PTPRD: variants seen among roughly 807,000 people sequenced by gnomAD.
The protein encoded by PTPRD is receptor-type tyrosine-protein phosphatase delta.
A neutral mutation model predicts 214.5 loss-of-function variants in PTPRD; 34 were observed. That is an observed-to-expected ratio of 0.16 (90% CI 0.12 to 0.21). The LOEUF is 0.21. Among genes scored for constraint, PTPRD ranks in the 10% least tolerant of loss-of-function variants. The pLI is 1.00. For missense variants in PTPRD, 2,545 were observed against 2,398.7 expected (o/e 1.06, Z -1.27); for synonymous variants, 1,128 against 845.7 (o/e 1.33, Z -5.79).
intron 9 of PTPRD, among the ~76,000 whole-genome samples, chr9:9,378,011 T>A (rs1167176972): frequency 6.6e-6 from 1 of 151,958 alleles, no homozygotes; most frequent in African/African-American, 2.4e-5. Context: ...ATGCACAACC[T>A]CTCCCATCAT....
Position 9,302,611 on chromosome 9 carries a change from T to C in PTPRD, c.-203+94838A>G, listed in dbSNP as rs1595461021. Among the ~76,000 whole-genome samples the C allele has an allele frequency of 1.3e-4, 20 of 149,088 alleles. 1 individual carries two copies. The South Asian group carries it at 4.2e-3, about 31-fold the overall frequency. ...TGTAGTTTTTTTTTTCTTTTTTTTT[T>C]TTTTTTGTCTTTCCTGGTGTTCTGT... On this transcript the variant is annotated intron_variant, in intron 9 of 45. Transcript: ENST00000381196.
intron 21 of PTPRD, among the ~76,000 whole-genome samples, chr9:8,512,884 C>G (rs997329867): frequency 1.3e-5 from 2 of 152,086 alleles, no homozygotes; most frequent in African/African-American, 4.8e-5. Context: ...TGAGATTTAA[C>G]TTACTACTTC....
At chr9:9,744,022 C>T (rs1281564932) in intron 6 of PTPRD, among the ~76,000 whole-genome samples, 3 of 152,018 alleles carry the variant, frequency 2.0e-5, no homozygotes, top group African/African-American at 7.2e-5. Flanking sequence ...TTGATGACGT[C>T]ATTCTATTTG....
chr9:8,701,774 G>A (rs1298412357), intron 12 of PTPRD, among the ~76,000 whole-genome samples: 3 of 152,128 alleles, frequency 2.0e-5, no homozygotes, highest in Non-Finnish European at 4.4e-5. Flanking sequence ...TGAATACTCT[G>A]ATGTGTTTAC....
intron 3 of PTPRD, among the ~76,000 whole-genome samples, chr9:10,285,692 G>A (rs1287302776): frequency 6.9e-6 from 1 of 144,240 alleles, no homozygotes; most frequent in Non-Finnish European, 1.5e-5. Context: ...CTCACTGCAA[G>A]CTCCGCCTCC....
intron 34 of PTPRD, among the ~76,000 whole-genome samples, chr9:8,440,315 T>C (rs889832553): frequency 6.6e-5 from 8 of 121,316 alleles, no homozygotes; most frequent in Non-Finnish European, 8.6e-5. Flanking sequence ...AATAGAAATG[T>C]ATTATTTTTT....
At chr9:10,231,989 A>AGAGAGAGAGTGTGTGTGTGTGTGTGT (rs1245284728) in intron 3 of PTPRD, among the ~76,000 whole-genome samples, 1 of 92,436 alleles carries the variant, frequency 1.1e-5, no homozygotes, top group African/African-American at 5.3e-5. Flanking sequence ...AGAGAGAGAG[A>AGAGAGAGAGTGTGTGTGTGTGTGTGT]GTGTGTGTGT....
chr9:9,868,940 A>G (rs548548745), intron 5 of PTPRD, among the ~76,000 whole-genome samples: 2 of 152,238 alleles, frequency 1.3e-5, no homozygotes, highest in African/African-American at 4.8e-5. Flanking sequence ...GACAAGGAAA[A>G]AAAAGAATAT....
rs183831705 is a variant in PTPRD, at chr9:9,822,343, G to A, written c.-367-55492C>T. On this transcript the variant is annotated intron_variant, in intron 5 of 45. Coordinates refer to ENST00000381196, the MANE Select transcript of PTPRD (RefSeq NM_002839.4). ...GGAGAATCACTTGAACCTGGGAGGC[G>A]TAAGTTGCAGTGAGCCAAGATCACA... is the stretch of plus-strand genomic sequence containing the variant. Among the ~76,000 whole-genome samples, 473 of 151,082 alleles carry A rather than the reference G, an allele frequency of 3.1e-3. 4 individuals are homozygous for A. Among genetic ancestry groups the A allele is most frequent in the African/African-American group, 0.011 (437 of 41,254 alleles).
chr9:9,344,679 C>T (rs1287422841), intron 9 of PTPRD, among the ~76,000 whole-genome samples: 1 of 151,886 alleles, frequency 6.6e-6, no homozygotes, highest in Non-Finnish European at 1.5e-5. Context: ...TTACTTTTAA[C>T]TTTTAAAAAC....
intron 4 of PTPRD, among the ~76,000 whole-genome samples, chr9:10,010,344 T>C (rs1168799855): frequency 8.5e-6 from 1 of 117,416 alleles, no homozygotes; most frequent in African/African-American, 2.5e-5. Flanking sequence ...TGTTCGAACA[T>C]GTGCGTTTAT....
chr9:10,137,760 A>G (rs1277707999), intron 3 of PTPRD, among the ~76,000 whole-genome samples: 1 of 151,982 alleles, frequency 6.6e-6, no homozygotes, highest in Non-Finnish European at 1.5e-5. Flanking sequence ...GCACAACTAC[A>G]TGAAAATTAA....
At chr9:10,403,870 C>T (rs1587393431) in intron 2 of PTPRD, among the ~76,000 whole-genome samples, 1 of 151,604 alleles carries the variant, frequency 6.6e-6, no homozygotes, top group Admixed American at 6.6e-5. Context: ...AGGCAGAACA[C>T]AGAGGATTTT....
chr9:8,686,772 T>C (rs1036184173), intron 12 of PTPRD, among the ~76,000 whole-genome samples: 3 of 152,096 alleles, frequency 2.0e-5, no homozygotes, highest in Admixed American at 1.3e-4. Context: ...TGAAACTACA[T>C]AATAAAAAGG....
At chr9:9,200,101 G>A (rs1198386307) in intron 9 of PTPRD, among the ~76,000 whole-genome samples, 1 of 152,176 alleles carries the variant, frequency 6.6e-6, no homozygotes, top group African/African-American at 2.4e-5. Flanking sequence ...CTGTCTGTTA[G>A]CGAGGAAATA....
chr9:9,877,640 C>T lies in PTPRD; in HGVS notation c.-368+60867G>A, dbSNP rs187083300. ...TTGTGTTGGGTACATTCTAGATCAC[C>T]AAGATAGGAAAACAGGTTTTGATTA... On this transcript the variant is annotated intron_variant, in intron 5 of 45. Coordinates refer to ENST00000381196, the MANE Select transcript of PTPRD (RefSeq NM_002839.4). Among the ~76,000 whole-genome samples, 235 of 152,002 alleles carry T rather than the reference C, an allele frequency of 1.5e-3. 4 individuals are homozygous for T. Among genetic ancestry groups the T allele is most frequent in the Admixed American group, 0.013 (203 of 15,246 alleles).
chr9:9,155,423 G>C (rs1002419172), intron 10 of PTPRD, among the ~76,000 whole-genome samples: 19 of 152,090 alleles, frequency 1.2e-4, no homozygotes, highest in African/African-American at 4.6e-4. Context: ...GGCAAAACAA[G>C]AGATCCTGGG....
chr9:8,471,201 C>A, intron 30 of PTPRD, 116 bp from the exon 31 acceptor site: 1 of 775,588 alleles, frequency 1.3e-6, no homozygotes, highest in South Asian at 1.5e-5. Context: ...TATGGGGTGA[C>A]TTGTCCATTT....
At chr9:9,576,816 A>G (rs1380331859) in intron 7 of PTPRD, among the ~76,000 whole-genome samples, 1 of 152,212 alleles carries the variant, frequency 6.6e-6, no homozygotes, top group Non-Finnish European at 1.5e-5. Context: ...TTATTTTAGC[A>G]CGATCAGATG....
Sources: allele counts gnomAD v4.1 joint callset (sites outside exome capture counted in the v4.1 genomes callset), GRCh38; gene constraint gnomAD v4.1.1; transcripts MANE v1.5; gene names NCBI Gene and HGNC (gene_info 2026-07-23, HGNC 2026-07-21).